Variants in COL28A1 observed in about 807,000 individuals in gnomAD.
COL28A1 encodes the protein collagen alpha-1(XXVIII) chain.
A neutral mutation model predicts 150.2 loss-of-function variants in COL28A1; 161 were observed. The ratio of observed to expected loss-of-function variants is 1.07; its 90% CI spans 0.94 to 1.22. COL28A1 has a LOEUF of 1.22. Ranked by LOEUF, COL28A1 falls within the 50% of genes most tolerant of loss-of-function variation. The probability of loss-of-function intolerance (pLI) is 0.00; values close to 1 mark genes in which losing one functional copy is unlikely to be tolerated. For missense variants in COL28A1, 1,617 were observed against 1,388.3 expected (o/e 1.16, Z -2.62); for synonymous variants, 552 against 469.7 (o/e 1.18, Z -2.26).
chr7:7,395,415 T>G (rs1240276079), intron 27 of COL28A1, among the ~76,000 whole-genome samples: 1 of 152,232 alleles, frequency 6.6e-6, no homozygotes, highest in Non-Finnish European at 1.5e-5. Flanking sequence ...CATTTTACTA[T>G]TAAGTTGCTT....
chr7:7,390,700 T>A (rs1782488731), intron 27 of COL28A1, among the ~76,000 whole-genome samples: 1 of 152,204 alleles, frequency 6.6e-6, no homozygotes, highest in Non-Finnish European at 1.5e-5. Context: ...GGATTCAACT[T>A]CTTCCTGGTT....
intron 27 of COL28A1, among the ~76,000 whole-genome samples, chr7:7,400,975 G>GGGGTGTGTGTGTGTGT (rs1160269291): frequency 7.6e-5 from 9 of 119,074 alleles, no homozygotes; most frequent in Non-Finnish European, 1.0e-4. Context: ...TGGGTATTTG[G>GGGGTGTGTGTGTGTGT]GTGTGTGTGT....
chr7:7,427,940 T>C (rs1215267314), intron 25 of COL28A1, among the ~76,000 whole-genome samples: 6 of 152,168 alleles, frequency 3.9e-5, no homozygotes, highest in Admixed American at 1.3e-4. Context: ...TATTCATCCA[T>C]TTAGTTTTTC....
At chr7:7,354,730 T>G (rs545310843), downstream of COL28A1, among the ~76,000 whole-genome samples, 2 of 152,190 alleles carry the variant, frequency 1.3e-5, no homozygotes, top group Non-Finnish European at 2.9e-5. Context: ...TTCTGAGTCT[T>G]ACTTAATTAA....
At chr7:7,351,754 T>A (rs1292023912), downstream of COL28A1, among the ~76,000 whole-genome samples, 1 of 152,036 alleles carries the variant, frequency 6.6e-6, no homozygotes, top group Non-Finnish European at 1.5e-5. Context: ...GTCATGTGTG[T>A]GTGTATGTGT....
chr7:7,454,755 CT>C (rs1787007515), intron 16 of COL28A1, among the ~76,000 whole-genome samples: 1 of 152,176 alleles, frequency 6.6e-6, no homozygotes, highest in Non-Finnish European at 1.5e-5. Flanking sequence ...TGTCCGGCCA[CT>C]TTTGGGATAA....
intron 27 of COL28A1, among the ~76,000 whole-genome samples, chr7:7,397,448 C>G (rs547986504): frequency 1.3e-5 from 2 of 152,138 alleles, no homozygotes; most frequent in Admixed American, 6.5e-5. Context: ...CAGATGTGGA[C>G]GTCTTTGAGA....
chr7:7,488,177 C>A (rs1196291861), intron 13 of COL28A1, among the ~76,000 whole-genome samples: 2 of 152,224 alleles, frequency 1.3e-5, no homozygotes, highest in African/African-American at 4.8e-5. Context: ...AAAATAGAGA[C>A]CAAAATAAGT....
At chr7:7,518,929 C>T (rs1159640722) in intron 6 of COL28A1, among the ~76,000 whole-genome samples, 4 of 152,048 alleles carry the variant, frequency 2.6e-5, no homozygotes, top group African/African-American at 9.7e-5. Context: ...AGTTTTGTTT[C>T]CTCTCTTGAA....
At position 7,517,856 on chromosome 7, in the gene COL28A1, A is replaced by G. The variant is rs1324675150; in HGVS notation, c.814-19T>C. 2 of 1,613,694 alleles carry G rather than the reference A, an allele frequency of 1.2e-6. No individual in the cohort carries two copies. The highest frequency in any genetic ancestry group is 1.7e-6 in the Non-Finnish European group (2 of 1,179,650). Reference sequence around the variant, plus strand: ...CGTTGCCCTGTGACAAACAAAAAACAGTAAAAATTCCACAGCCCTGAAGAG... The same window carrying G: ...CGTTGCCCTGTGACAAACAAAAAACGGTAAAAATTCCACAGCCCTGAAGAG... On this transcript the variant is annotated intron_variant, in intron 6 of 34. Transcript: ENST00000399429.
chr7:7,349,143 T>C, the COL28A1 span, among the ~76,000 whole-genome samples: 1 of 152,166 alleles, frequency 6.6e-6, no homozygotes, highest in South Asian at 2.1e-4. Context: ...CTTAAAGTAG[T>C]CTATATAGTT....
At chr7:7,414,621 C>G (rs1167808342) in intron 27 of COL28A1, among the ~76,000 whole-genome samples, 1 of 152,146 alleles carries the variant, frequency 6.6e-6, no homozygotes, top group Non-Finnish European at 1.5e-5. Context: ...AAAGAAGTTC[C>G]CAGAAGATCA....
At chr7:7,525,682 C>T (rs961167446) in intron 3 of COL28A1, among the ~76,000 whole-genome samples, 4 of 152,042 alleles carry the variant, frequency 2.6e-5, no homozygotes, top group Admixed American at 6.6e-5. Flanking sequence ...ACTTTATTTC[C>T]GTACAAACTA....
At position 7,358,483 on chromosome 7, in the gene COL28A1, T is replaced by G; in HGVS notation, c.*150A>C. Reference sequence around the variant, plus strand: ...ACCTATATAAGTGGTTAATAATATGTACATCCTAGGGCTGTAGTGAGAATT... The same window carrying G: ...ACCTATATAAGTGGTTAATAATATGGACATCCTAGGGCTGTAGTGAGAATT... On this transcript the variant is annotated 3_prime_UTR_variant, in exon 35 of 35. Transcript: ENST00000399429. 1.4e-6 allele frequency: 1 copy of G among 691,712 alleles called. No homozygotes were observed. The highest frequency in any genetic ancestry group is 2.3e-6 in the Non-Finnish European group (1 of 425,706). The allele number at this position is 691,712 out of a possible 1,614,324, so 42.8% of individuals were successfully genotyped here. A position where few individuals can be genotyped will look rare whatever the true frequency, so the allele number is the denominator to read the frequency against.
intron 11 of COL28A1, among the ~76,000 whole-genome samples, chr7:7,504,572 TACC>T (rs1780708263): frequency 6.6e-6 from 1 of 152,106 alleles, no homozygotes; most frequent in South Asian, 2.1e-4. Context: ...TTCCCTACCA[TACC>T]ACCACAACTG....
intron 16 of COL28A1, 28 bp downstream of exon 16, chr7:7,456,016 G>T (rs753066802): frequency 1.2e-6 from 2 of 1,613,400 alleles, no homozygotes; most frequent in South Asian, 1.1e-5. Context: ...GTTCTGCACT[G>T]AAGGGAAAGG....
At chr7:7,537,615 T>C (rs895070807), upstream of COL28A1, among the ~76,000 whole-genome samples, 6 of 152,188 alleles carry the variant, frequency 3.9e-5, no homozygotes, top group African/African-American at 1.4e-4. Context: ...TGAGCCTCAC[T>C]TATAACAACT....
intron 11 of COL28A1, among the ~76,000 whole-genome samples, chr7:7,498,157 A>C (rs1274765100): frequency 3.3e-5 from 5 of 152,206 alleles, no homozygotes; most frequent in South Asian, 4.1e-4. Flanking sequence ...GCCTACAAAC[A>C]TGGCAATTCA....
intron 16 of COL28A1, among the ~76,000 whole-genome samples, chr7:7,455,490 G>A (rs1373229917): frequency 6.6e-6 from 1 of 152,154 alleles, no homozygotes; most frequent in Non-Finnish European, 1.5e-5. Flanking sequence ...TTCTCACCAA[G>A]AGGGGCCAGG....
Sources: gnomAD v4.1 joint callset for allele counts (sites outside exome capture counted in the v4.1 genomes callset) on GRCh38, gnomAD v4.1.1 for gene constraint, MANE v1.5 for transcripts, NCBI Gene and HGNC (gene_info 2026-07-23, HGNC 2026-07-21) for gene names.